RPS6KC1: variants seen among roughly 807,000 people sequenced by gnomAD.
RPS6KC1 encodes ribosomal protein S6 kinase C1.
RPS6KC1 carries 54 observed loss-of-function variants against 103.8 expected under a neutral mutation model. The observed-to-expected ratio is 0.52, with a 90% CI of 0.42 to 0.65. The LOEUF is 0.65. Among genes scored for constraint, RPS6KC1 ranks in the 30% least tolerant of loss-of-function variants. The pLI is 0.00. For synonymous variants in RPS6KC1, 439 were observed against 438.7 expected, an observed-to-expected ratio of 1.00 and a Z score of -0.01; for missense variants, 1,151 against 1,253.8, an observed-to-expected ratio of 0.92 and a Z score of 1.24.
chr1:213,812,781 C>T, the RPS6KC1 span, among the ~76,000 whole-genome samples: 1 of 152,188 alleles, frequency 6.6e-6, no homozygotes, highest in African/African-American at 2.4e-5. Flanking sequence ...TAGGCAGCTC[C>T]TCTTCCTATA....
At chr1:213,078,231 CTTTTTT>C (rs11416944) in intron 3 of RPS6KC1, among the ~76,000 whole-genome samples, 2 of 128,354 alleles carry the variant, frequency 1.6e-5, no homozygotes, top group South Asian at 2.4e-4. Flanking sequence ...CCTTAGTATT[CTTTTTT>C]TTTTTTTTTT....
chr1:213,760,947 A>G, the RPS6KC1 span, among the ~76,000 whole-genome samples: 5 of 74,722 alleles, frequency 6.7e-5, no homozygotes, highest in East Asian at 1.3e-3. Flanking sequence ...GAAAATGAAC[A>G]TGGGCTAATT....
At position 213,272,695 on chromosome 1, in the gene RPS6KC1, T is replaced by G; in HGVS notation, c.*61T>G. On this transcript the variant is annotated 3_prime_UTR_variant, in exon 15 of 15. Coordinates refer to ENST00000366960, the MANE Select transcript of RPS6KC1 (RefSeq NM_012424.6). ...TCTCTGTGACAGGCATCTCCAGCACTGAGGCACCTCTGACTCACAGTTACT... is the reference window on the plus strand; with the variant it reads ...TCTCTGTGACAGGCATCTCCAGCACGGAGGCACCTCTGACTCACAGTTACT... 1 of 1,234,002 alleles carries G rather than the reference T, an allele frequency of 8.1e-7. No homozygotes were observed. The highest frequency in any genetic ancestry group is 1.2e-6 in the Non-Finnish European group (1 of 838,578). The allele number at this position is 1,234,002 out of a possible 1,614,324, so 76.4% of individuals were successfully genotyped here.
chr1:213,773,886 C>G, the RPS6KC1 span, among the ~76,000 whole-genome samples: 4 of 152,218 alleles, frequency 2.6e-5, no homozygotes, highest in Non-Finnish European at 5.9e-5. Flanking sequence ...GATTAAATAA[C>G]TGTGCTCTAT....
the RPS6KC1 span, among the ~76,000 whole-genome samples, chr1:213,326,425 G>A: frequency 2.0e-5 from 3 of 152,346 alleles, no homozygotes; most frequent in East Asian, 5.8e-4. Flanking sequence ...GCATGCAAAT[G>A]TATGCAGTTC....
intron 14 of RPS6KC1, among the ~76,000 whole-genome samples, chr1:213,265,475 C>A (rs1444518150): frequency 1.3e-5 from 2 of 152,052 alleles, no homozygotes; most frequent in South Asian, 4.1e-4. Context: ...ATTGTCATTG[C>A]AGTTAATTCT....
chr1:213,277,250 C>T (rs1019083507), downstream of RPS6KC1, among the ~76,000 whole-genome samples: 2 of 152,194 alleles, frequency 1.3e-5, no homozygotes, highest in African/African-American at 4.8e-5. Context: ...CTCTCAAGGA[C>T]AGTAAATAGG....
chr1:213,666,889 A>G, the RPS6KC1 span, among the ~76,000 whole-genome samples: 5 of 152,324 alleles, frequency 3.3e-5, no homozygotes, highest in African/African-American at 1.2e-4. Context: ...TTGCCGGGAG[A>G]GGCACGTGAG....
the RPS6KC1 span, among the ~76,000 whole-genome samples, chr1:213,376,969 T>G: frequency 6.6e-6 from 1 of 152,206 alleles, no homozygotes. Context: ...CTTCTCAATC[T>G]GTGTAACATT....
the RPS6KC1 span, among the ~76,000 whole-genome samples, chr1:213,625,365 T>C: frequency 6.6e-6 from 1 of 152,232 alleles, no homozygotes; most frequent in Non-Finnish European, 1.5e-5. Context: ...ATATAAATGG[T>C]AACATGCAGT....
At chr1:213,858,395 G>GT in the RPS6KC1 span, among the ~76,000 whole-genome samples, 45 of 151,250 alleles carry the variant, frequency 3.0e-4, no homozygotes, top group Non-Finnish European at 4.0e-4. Flanking sequence ...ACCATGATGT[G>GT]TTTTTTTTTA....
chr1:213,074,843 A>ATTTTTTTTTTTTTT lies in RPS6KC1; in HGVS notation c.142-2836_142-2823dup, dbSNP rs752747801. Among the ~76,000 whole-genome samples, 2 of 71,322 alleles carry ATTTTTTTTTTTTTT rather than the reference A, an allele frequency of 2.8e-5. 1 individual carries two copies. Among genetic ancestry groups the ATTTTTTTTTTTTTT allele is most frequent in the Non-Finnish European group, 4.9e-5 (2 of 40,432 alleles). The allele number at this position is 71,322 out of a possible 152,430, so 46.8% of individuals were successfully genotyped here. On this transcript the variant is annotated intron_variant, in intron 2 of 14. Coordinates refer to ENST00000366960, the MANE Select transcript of RPS6KC1 (RefSeq NM_012424.6). Reference sequence around the variant, plus strand: ...TTTAAAAATGACTTAACTAGAATAAATTTTTTTTTTTTTTTTTTTTTTTTT... The same window carrying ATTTTTTTTTTTTTT: ...TTTAAAAATGACTTAACTAGAATAAATTTTTTTTTTTTTTTTTTTTTTTTTTTTTTTTTTTTTTT...
At chr1:213,331,543 C>T in the RPS6KC1 span, among the ~76,000 whole-genome samples, 1 of 152,208 alleles carries the variant, frequency 6.6e-6, no homozygotes, top group Admixed American at 6.5e-5. Flanking sequence ...ATGTGGAGAG[C>T]ATCTGTAAGG....
intron 3 of RPS6KC1, among the ~76,000 whole-genome samples, chr1:213,096,360 A>T (rs1451949955): frequency 6.6e-6 from 1 of 152,056 alleles, no homozygotes; most frequent in East Asian, 1.9e-4. Context: ...AACCCCTCAA[A>T]GTCATCCATG....
At chr1:213,388,390 G>A in the RPS6KC1 span, among the ~76,000 whole-genome samples, 2 of 152,256 alleles carry the variant, frequency 1.3e-5, no homozygotes, top group Non-Finnish European at 2.9e-5. Flanking sequence ...GAGCATGGGA[G>A]CTGGATAGGC....
chr1:213,290,114 C>T, the RPS6KC1 span, among the ~76,000 whole-genome samples: 28 of 121,802 alleles, frequency 2.3e-4, no homozygotes, highest in Non-Finnish European at 3.8e-4. Context: ...CACTGCAATC[C>T]GGCCTGGGCT....
chr1:213,057,121 T>G (rs2077395740), intron 1 of RPS6KC1, among the ~76,000 whole-genome samples: 2 of 151,988 alleles, frequency 1.3e-5, no homozygotes, highest in African/African-American at 4.8e-5. Flanking sequence ...TGTATTTTTT[T>G]TAAGAGACGG....
chr1:213,514,970 T>C, the RPS6KC1 span, among the ~76,000 whole-genome samples: 1 of 152,246 alleles, frequency 6.6e-6, no homozygotes, highest in South Asian at 2.1e-4. Context: ...TGCATTTCTC[T>C]GATGGCCAGT....
chr1:213,841,272 C>T, the RPS6KC1 span: 3 of 152,252 alleles, frequency 2.0e-5, no homozygotes, highest in East Asian at 5.8e-4. Flanking sequence ...AACTTCTTTC[C>T]TCCAACATGC....
Sources: gnomAD v4.1 joint callset for allele counts (sites outside exome capture counted in the v4.1 genomes callset) on GRCh38, gnomAD v4.1.1 for gene constraint, MANE v1.5 for transcripts, NCBI Gene and HGNC (gene_info 2026-07-23, HGNC 2026-07-21) for gene names.